Variants in CSMD1 observed in about 807,000 individuals in gnomAD.
The protein encoded by CSMD1 is CUB and sushi domain-containing protein 1.
CSMD1 carries 213 observed loss-of-function variants against 417.5 expected under a neutral mutation model. The ratio of observed to expected loss-of-function variants is 0.51; its 90% confidence interval spans 0.46 to 0.57. The LOEUF (loss-of-function observed/expected upper bound fraction) is 0.57, where lower values mean the gene tolerates loss of function less well. Among genes scored for constraint, CSMD1 ranks in the 20% least tolerant of loss-of-function variants. The probability of loss-of-function intolerance (pLI) is 0.00; values close to 1 mark genes in which losing one functional copy is unlikely to be tolerated. For synonymous variants in CSMD1, 2,862 were observed against 1,736.8 expected, an observed-to-expected ratio of 1.65 and a Z score of -16.11; for missense variants, 6,923 against 4,529.7, an observed-to-expected ratio of 1.53 and a Z score of -15.17.
At chr8:4,771,611 A>C (rs1796601462) in intron 1 of CSMD1, among the ~76,000 whole-genome samples, 1 of 152,230 alleles carries the variant, frequency 6.6e-6, no homozygotes, top group South Asian at 2.1e-4. Flanking sequence ...TTAAATGTTG[A>C]AACGTCCGTG....
chr8:3,090,097 A>G (rs940381508), intron 48 of CSMD1, among the ~76,000 whole-genome samples: 17 of 151,694 alleles, frequency 1.1e-4, no homozygotes, highest in South Asian at 2.1e-4. Flanking sequence ...GCCGGATCAC[A>G]AGGTCAGGAG....
At chr8:4,864,686 A>G (rs1202442190) in intron 1 of CSMD1, among the ~76,000 whole-genome samples, 2 of 151,864 alleles carry the variant, frequency 1.3e-5, no homozygotes, top group Non-Finnish European at 2.9e-5. Context: ...CCTGGTTTAA[A>G]TAAAGGTCTC....
At chr8:4,412,965 A>T (rs891671897) in intron 3 of CSMD1, among the ~76,000 whole-genome samples, 3 of 152,164 alleles carry the variant, frequency 2.0e-5, no homozygotes, top group Admixed American at 2.0e-4. Flanking sequence ...TCATCAATGG[A>T]CAGAAGCCAT....
At chr8:3,029,581 G>C in intron 50 of CSMD1, 68 bp from the exon 51 acceptor site, 7 of 1,359,486 alleles carry the variant, frequency 5.1e-6, no homozygotes, top group Non-Finnish European at 6.1e-6. Context: ...TGCTTGCTTT[G>C]GATGGCAAGG....
chr8:4,696,115 G>A (rs1050176743), intron 1 of CSMD1, among the ~76,000 whole-genome samples: 2 of 152,148 alleles, frequency 1.3e-5, no homozygotes, highest in South Asian at 2.1e-4. Context: ...CAAGGATAAT[G>A]CCTTGAAGAA....
intron 54 of CSMD1, among the ~76,000 whole-genome samples, chr8:2,990,964 T>A (rs887857903): frequency 1.3e-5 from 2 of 152,246 alleles, no homozygotes; most frequent in Admixed American, 6.5e-5. Context: ...TTCAATGTGA[T>A]CTTTTCCCTT....
At chr8:4,454,558 A>G (rs1056066620) in intron 2 of CSMD1, among the ~76,000 whole-genome samples, 5 of 152,200 alleles carry the variant, frequency 3.3e-5, no homozygotes, top group Non-Finnish European at 7.3e-5. Flanking sequence ...GCACCTTTGC[A>G]CAGAGTAGAC....
At chr8:4,148,358 G>C (rs1210093520) in intron 3 of CSMD1, among the ~76,000 whole-genome samples, 5 of 126,556 alleles carry the variant, frequency 4.0e-5, no homozygotes, top group Non-Finnish European at 8.1e-5. Context: ...TCACACACCG[G>C]TGCCTGTTGT....
At chr8:4,758,928 G>C (rs558486637) in intron 1 of CSMD1, among the ~76,000 whole-genome samples, 2 of 152,212 alleles carry the variant, frequency 1.3e-5, no homozygotes, top group African/African-American at 2.4e-5. Flanking sequence ...GGATGAGGGG[G>C]ATTTCAGTAG....
chr8:4,111,459 C>A (rs1211513932), intron 3 of CSMD1, among the ~76,000 whole-genome samples: 1 of 152,110 alleles, frequency 6.6e-6, no homozygotes, highest in Non-Finnish European at 1.5e-5. Context: ...ATGGGAAAAG[C>A]ACATGCACGA....
chr8:3,933,752 T>G (rs1018865924), intron 5 of CSMD1, among the ~76,000 whole-genome samples: 2 of 152,192 alleles, frequency 1.3e-5, no homozygotes, highest in Admixed American at 1.3e-4. Flanking sequence ...TGAGGTGAGA[T>G]TTATTTAGGT....
chr8:3,758,439 T>C (rs942027964), intron 5 of CSMD1, among the ~76,000 whole-genome samples: 1 of 152,176 alleles, frequency 6.6e-6, no homozygotes, highest in South Asian at 2.1e-4. Flanking sequence ...TGTTGTTTGT[T>C]TGGGAAAGGG....
chr8:3,116,316 A>C (rs1585391090), intron 42 of CSMD1, among the ~76,000 whole-genome samples: 1 of 152,076 alleles, frequency 6.6e-6, no homozygotes, highest in African/African-American at 2.4e-5. Context: ...AAATAGAAAT[A>C]TAATAGTAAA....
At chr8:4,821,276 G>A (rs890707044) in intron 1 of CSMD1, among the ~76,000 whole-genome samples, 2 of 152,122 alleles carry the variant, frequency 1.3e-5, no homozygotes, top group Non-Finnish European at 2.9e-5. Flanking sequence ...AGGCAAATAT[G>A]AATAGGCTGG....
At chr8:4,539,673 A>T (rs1318667307) in intron 2 of CSMD1, among the ~76,000 whole-genome samples, 1 of 152,210 alleles carries the variant, frequency 6.6e-6, no homozygotes, top group African/African-American at 2.4e-5. Flanking sequence ...AATATTGTTT[A>T]TTAAGATTAT....
intron 39 of CSMD1, among the ~76,000 whole-genome samples, chr8:3,156,986 C>CAAAAA (rs869173951): frequency 4.7e-5 from 3 of 64,422 alleles, no homozygotes; most frequent in Non-Finnish European, 9.8e-5. Context: ...GTTGTTTAGA[C>CAAAAA]AAAAAAAAAA....
At chr8:4,017,415 C>G (rs1488397438) in intron 4 of CSMD1, among the ~76,000 whole-genome samples, 1 of 152,140 alleles carries the variant, frequency 6.6e-6, no homozygotes, top group East Asian at 1.9e-4. Context: ...AATCGATTCT[C>G]CTGCCTCACT....
intron 3 of CSMD1, among the ~76,000 whole-genome samples, chr8:4,090,173 G>A (rs145865533): frequency 1.1e-4 from 16 of 152,244 alleles, no homozygotes; most frequent in African/African-American, 2.4e-4. Flanking sequence ...TGTTTTGAGT[G>A]TAACCTCCAC....
intron 49 of CSMD1, among the ~76,000 whole-genome samples, chr8:3,076,007 C>T (rs572432788): frequency 2.1e-4 from 31 of 151,020 alleles, no homozygotes; most frequent in South Asian, 4.2e-4. Flanking sequence ...GCCGAGATCG[C>T]GCCACTGCAC....
Sources: allele counts gnomAD v4.1 joint callset (sites outside exome capture counted in the v4.1 genomes callset), GRCh38; gene constraint gnomAD v4.1.1; transcripts MANE v1.5; gene names NCBI Gene and HGNC (gene_info 2026-07-23, HGNC 2026-07-21).